DOCK4: variants seen among roughly 807,000 people sequenced by gnomAD.
DOCK4 encodes the protein dedicator of cytokinesis protein 4.
A neutral mutation model predicts 268.1 loss-of-function variants in DOCK4; 97 were observed. That is an observed-to-expected ratio of 0.36 (90% CI 0.31 to 0.43). The LOEUF is 0.43. DOCK4 is among the 20% of genes least tolerant of loss of function. The probability of loss-of-function intolerance (pLI) is 1.00; values close to 1 mark genes in which losing one functional copy is unlikely to be tolerated. For synonymous variants in DOCK4, 954 were observed against 887.2 expected (o/e 1.08, Z -1.34); for missense variants, 2,145 against 2,455.7 (o/e 0.87, Z 2.67).
chr7:111,817,631 A>G (rs1048940175), intron 27 of DOCK4, among the ~76,000 whole-genome samples: 4 of 152,192 alleles, frequency 2.6e-5, no homozygotes, highest in African/African-American at 9.7e-5. Context: ...ATACCTAGCA[A>G]CCTTGCATGC....
chr7:111,955,158 G>C (rs967244865), intron 8 of DOCK4, among the ~76,000 whole-genome samples: 6 of 152,134 alleles, frequency 3.9e-5, no homozygotes, highest in Admixed American at 2.0e-4. Context: ...ACAAATGACA[G>C]AGTTTTTCCT....
chr7:111,769,514 G>A lies in DOCK4; in HGVS notation c.3828+15C>T. The A allele has an allele frequency of 6.2e-7, 1 of 1,613,046 alleles. No individual in the cohort carries two copies. The highest frequency in any genetic ancestry group is 8.5e-7 in the Non-Finnish European group (1 of 1,179,668). On this transcript the variant is annotated intron_variant, in intron 37 of 52. Coordinates refer to ENST00000428084, the MANE Select transcript of DOCK4 (RefSeq NM_001363540.2). ...TCACCCCAGGAGGGACCCCGGGCGGGGCAGGGCCACTTACTTTGCCTCTGT... is the reference window on the plus strand; with the variant it reads ...TCACCCCAGGAGGGACCCCGGGCGGAGCAGGGCCACTTACTTTGCCTCTGT...
chr7:112,161,128 C>T (rs1039515407), intron 1 of DOCK4, among the ~76,000 whole-genome samples: 8 of 152,050 alleles, frequency 5.3e-5, no homozygotes, highest in Admixed American at 2.6e-4. Context: ...GTCTACCTGG[C>T]GACCGCTAGT....
intron 42 of DOCK4, among the ~76,000 whole-genome samples, chr7:111,754,004 G>C (rs1330605168): frequency 1.3e-5 from 2 of 152,142 alleles, no homozygotes; most frequent in Non-Finnish European, 2.9e-5. Context: ...ATTTCCAAGG[G>C]CTAGGACCAT....
intron 12 of DOCK4, among the ~76,000 whole-genome samples, chr7:111,931,775 GT>G (rs1044572193): frequency 2.6e-5 from 4 of 152,210 alleles, no homozygotes; most frequent in African/African-American, 9.7e-5. Flanking sequence ...TGGCTTTAAA[GT>G]GGGTAAACAA....
rs1486037448 is a variant in DOCK4, at chr7:111,960,635, T to C, written c.702-14837A>G. Among the ~76,000 whole-genome samples, 4 of 146,668 alleles carry C rather than the reference T, an allele frequency of 2.7e-5. No individual in the cohort carries two copies. The East Asian group carries it at 6.4e-4, about 24-fold the overall frequency. The stretch of plus-strand genomic sequence containing the variant: ...TAACCATAACCACCATGTTGTACAA[T>C]AGCTGTCTTGGACTTATTCCTCCTA... On this transcript the variant is annotated intron_variant, in intron 8 of 52. Coordinates refer to ENST00000428084, the MANE Select transcript of DOCK4 (RefSeq NM_001363540.2).
chr7:111,908,854 C>T (rs1362626825), intron 13 of DOCK4, among the ~76,000 whole-genome samples: 5 of 152,178 alleles, frequency 3.3e-5, no homozygotes, highest in Admixed American at 3.3e-4. Context: ...CTGCAAAGGA[C>T]ATGAACTCAT....
chr7:112,011,894 G>A (rs1020700736), intron 1 of DOCK4, among the ~76,000 whole-genome samples: 2 of 149,626 alleles, frequency 1.3e-5, no homozygotes, highest in African/African-American at 2.5e-5. Context: ...ATGAGAGAAA[G>A]CCCAATTATT....
chr7:111,749,521 G>A (rs569337376), intron 42 of DOCK4, among the ~76,000 whole-genome samples: 68 of 152,144 alleles, frequency 4.5e-4, no homozygotes, highest in Non-Finnish European at 7.7e-4. Context: ...TAAGAAAAAA[G>A]CAATCTTCAT....
At position 111,758,714 on chromosome 7, in the gene DOCK4, G is replaced by A. The variant is rs954729067; in HGVS notation, c.4239C>T (p.Ile1413=). Residue 1413 remains isoleucine, a synonymous_variant, in exon 41 of 53, where the codon ATC becomes ATT. Coordinates refer to ENST00000428084, the MANE Select transcript of DOCK4 (RefSeq NM_001363540.2). The stretch of plus-strand genomic sequence containing the variant: ...TGTGATTCACTTTATAGAAGCTTTT[G>A]ATGTTGTCCGGAACACCCTCTCTCT... ...VLQREGVPDN[I]KSFYKVNHIW... is the part of the protein sequence containing the mutation. The A allele has an allele frequency of 6.2e-7, 1 of 1,613,844 alleles. No individual in the cohort carries two copies. The highest frequency in any genetic ancestry group is 1.3e-5 in the African/African-American group (1 of 74,918).
intron 1 of DOCK4, among the ~76,000 whole-genome samples, chr7:112,062,926 C>G (rs1297719107): frequency 6.6e-6 from 1 of 152,186 alleles, no homozygotes. Context: ...ATCCGCCTGC[C>G]TCAGCCTCCC....
At chr7:112,066,536 A>G (rs1411348674) in intron 1 of DOCK4, among the ~76,000 whole-genome samples, 1 of 150,296 alleles carries the variant, frequency 6.7e-6, no homozygotes, top group Non-Finnish European at 1.5e-5. Context: ...ACACACATAT[A>G]TATACATACA....
chr7:112,104,918 A>G (rs929653373), intron 1 of DOCK4, among the ~76,000 whole-genome samples: 3 of 152,224 alleles, frequency 2.0e-5, no homozygotes, highest in Non-Finnish European at 4.4e-5. Context: ...CAAAGATGAG[A>G]TCAGTCATGC....
chr7:111,910,454 G>A (rs1213430563), intron 13 of DOCK4, among the ~76,000 whole-genome samples: 2 of 152,194 alleles, frequency 1.3e-5, no homozygotes, highest in Admixed American at 1.3e-4. Flanking sequence ...GTACATGTAC[G>A]ATACTTGCCA....
rs528744097 is a variant in DOCK4, at chr7:112,034,238, T to C, written c.38-30107A>G. Among the ~76,000 whole-genome samples, 11 of 152,246 alleles carry C rather than the reference T, an allele frequency of 7.2e-5. No individual in the cohort carries two copies. The South Asian group carries it at 2.3e-3, about 32-fold the overall frequency. ...TGAATCTCCTTCTTCAAATGGCTAA[T>C]AAAAAATTTTTAAATATCTTTTTAA... is the stretch of plus-strand genomic sequence containing the variant. On this transcript the variant is annotated intron_variant, in intron 1 of 52. Transcript: ENST00000428084.
chr7:112,203,764 A>G (rs1026589759), intron 1 of DOCK4, among the ~76,000 whole-genome samples: 2 of 152,028 alleles, frequency 1.3e-5, no homozygotes, highest in East Asian at 1.9e-4. Context: ...AAGCAGCTAT[A>G]AACAGTGCCC....
At chr7:111,730,427 G>C (rs1306254442) in intron 52 of DOCK4, among the ~76,000 whole-genome samples, 1 of 152,124 alleles carries the variant, frequency 6.6e-6, no homozygotes. Context: ...ATCTTCTTAA[G>C]CTAACTTGAC....
At position 112,191,948 on chromosome 7, in the gene DOCK4, T is replaced by C. The variant is rs1414589467; in HGVS notation, c.37+14154A>G. Among the ~76,000 whole-genome samples the C allele has an allele frequency of 2.7e-5, 4 of 148,404 alleles. No homozygotes were observed. In the East Asian group the frequency reaches 7.7e-4, roughly 29 times the overall value. ...ACTATATAACATTACATACTATATATACTTATATAATATATATTATAATTA... is the reference window on the plus strand; with the variant it reads ...ACTATATAACATTACATACTATATACACTTATATAATATATATTATAATTA... On this transcript the variant is annotated intron_variant, in intron 1 of 52. Coordinates refer to ENST00000428084, the MANE Select transcript of DOCK4 (RefSeq NM_001363540.2).
intron 1 of DOCK4, among the ~76,000 whole-genome samples, chr7:112,004,435 G>C (rs74742901): frequency 0.038 from 5,794 of 152,206 alleles, 201 homozygotes; most frequent in East Asian, 0.19. Context: ...CTCCTTAAAG[G>C]ACTGTGACCC....
Sources: allele counts gnomAD v4.1 joint callset (sites outside exome capture counted in the v4.1 genomes callset), GRCh38; gene constraint gnomAD v4.1.1; transcripts MANE v1.5; gene names NCBI Gene and HGNC (gene_info 2026-07-23, HGNC 2026-07-21).